The following APP variants were observed in gnomAD, a reference collection of about 807,000 sequenced individuals.
The protein encoded by APP is amyloid-beta precursor protein.
A neutral mutation model predicts 101.4 loss-of-function variants in APP; 31 were observed. The observed-to-expected ratio is 0.31, with a 90% CI of 0.23 to 0.41. The LOEUF (loss-of-function observed/expected upper bound fraction) is 0.41, where lower values mean the gene tolerates loss of function less well. APP is among the 10% of genes least tolerant of loss of function. The pLI, the probability that APP is intolerant of heterozygous loss-of-function variation, is 1.00. For synonymous variants in APP, 366 were observed against 364.4 expected (o/e 1.00, Z -0.05); for missense variants, 839 against 1,003.7 (o/e 0.84, Z 2.22).
chr21:25,912,826 A>G (rs1320229017), intron 13 of APP, among the ~76,000 whole-genome samples: 1 of 152,166 alleles, frequency 6.6e-6, no homozygotes, highest in African/African-American at 2.4e-5. Context: ...TTAGAATATA[A>G]TCTTGTATCA....
intron 11 of APP, among the ~76,000 whole-genome samples, chr21:25,966,233 CAGCATAGTTTA>C (rs1023170863): frequency 3.3e-5 from 5 of 152,188 alleles, no homozygotes; most frequent in African/African-American, 1.2e-4. Context: ...GTATACCATT[CAGCATAGTTTA>C]TAAGATTTTG....
chr21:26,069,869 AG>A (rs1360734887), intron 3 of APP, among the ~76,000 whole-genome samples: 1 of 152,244 alleles, frequency 6.6e-6, no homozygotes, highest in Non-Finnish European at 1.5e-5. Flanking sequence ...GAAAGAAAAA[AG>A]ATGTCACTGC....
At chr21:26,065,983 A>T (rs1341073216) in intron 3 of APP, among the ~76,000 whole-genome samples, 3 of 152,142 alleles carry the variant, frequency 2.0e-5, no homozygotes, top group African/African-American at 7.2e-5. Flanking sequence ...CTAGCTCCAC[A>T]GCCTAGATCT....
Position 25,925,614 on chromosome 21 carries a change from G to C in APP, c.1688-13652C>G, listed in dbSNP as rs1194944834. 5.3e-5 allele frequency among the ~76,000 whole-genome samples: 8 copies of C among 152,132 alleles called. No individual in the cohort carries two copies. The East Asian group carries it at 1.5e-3, about 29-fold the overall frequency. Reference sequence around the variant, plus strand: ...TGTACCAAGACACCACCACACAACAGCCTCGGTTATCCCTTCATGAAAGAA... The same window carrying C: ...TGTACCAAGACACCACCACACAACACCCTCGGTTATCCCTTCATGAAAGAA... On this transcript the variant is annotated intron_variant, in intron 13 of 17. Coordinates refer to ENST00000346798, the MANE Select transcript of APP (RefSeq NM_000484.4).
At chr21:26,013,843 C>T (rs544839809) in intron 6 of APP, among the ~76,000 whole-genome samples, 118 of 152,196 alleles carry the variant, frequency 7.8e-4, no homozygotes, top group Non-Finnish European at 1.4e-3. Flanking sequence ...TTAAACTACA[C>T]GGAAAGATGC....
chr21:25,903,368 C>CAAAA (rs937462787), intron 15 of APP, among the ~76,000 whole-genome samples: 4 of 68,582 alleles, frequency 5.8e-5, no homozygotes, highest in Admixed American at 5.0e-4. Context: ...GACTCCATCT[C>CAAAA]AAAAAAAAAA....
intron 3 of APP, among the ~76,000 whole-genome samples, chr21:26,087,740 A>G (rs144963148): frequency 6.6e-6 from 1 of 152,318 alleles, no homozygotes; most frequent in African/African-American, 2.4e-5. Flanking sequence ...GGTTAAAAAC[A>G]TAAGGTGAGG....
At chr21:26,143,120 A>C (rs1456594403) in intron 1 of APP, among the ~76,000 whole-genome samples, 1 of 152,234 alleles carries the variant, frequency 6.6e-6, no homozygotes, top group Non-Finnish European at 1.5e-5. Context: ...AAGGCAGAAA[A>C]AAATGCTTCA....
chr21:26,100,737 T>G (rs1290695091), intron 2 of APP, among the ~76,000 whole-genome samples: 1 of 136,634 alleles, frequency 7.3e-6, no homozygotes. Context: ...GCTGATCCTG[T>G]TAATCTATAG....
At chr21:25,918,744 G>C (rs6516711) in intron 13 of APP, among the ~76,000 whole-genome samples, 5 of 150,564 alleles carry the variant, frequency 3.3e-5, no homozygotes, top group African/African-American at 1.2e-4. Context: ...CCACGGAATC[G>C]CGCTGATTGC....
intron 13 of APP, among the ~76,000 whole-genome samples, chr21:25,949,201 T>C (rs2040959093): frequency 6.6e-6 from 1 of 152,202 alleles, no homozygotes; most frequent in Non-Finnish European, 1.5e-5. Flanking sequence ...GGGCCTTTTA[T>C]AACACAACAG....
intron 5 of APP, among the ~76,000 whole-genome samples, chr21:26,029,338 G>A (rs1319733011): frequency 8.1e-6 from 1 of 123,208 alleles, no homozygotes; most frequent in African/African-American, 3.5e-5. Context: ...ACACTGGAAA[G>A]CAAAGGTGGC....
intron 1 of APP, among the ~76,000 whole-genome samples, chr21:26,129,468 C>CAA (rs112803945): frequency 8.1e-6 from 1 of 122,910 alleles, no homozygotes. Context: ...GACTCCGTTT[C>CAA]AAAAAAAAAA....
rs564949561 is a variant in APP, at chr21:26,118,514, C to T, written c.58-6368G>A. On this transcript the variant is annotated intron_variant, in intron 1 of 17. Transcript: ENST00000346798. ...AATGAGCGAGATGTAAAAAGTTCATCTCTTTCATTCTGTCTTTACAGTTTT... is the reference window on the plus strand; with the variant it reads ...AATGAGCGAGATGTAAAAAGTTCATTTCTTTCATTCTGTCTTTACAGTTTT... Among the ~76,000 whole-genome samples, 7 of 152,196 alleles carry T rather than the reference C, an allele frequency of 4.6e-5. No individual in the cohort carries two copies. In the South Asian group the frequency reaches 1.5e-3, roughly 32 times the overall value.
chr21:26,007,445 ATATAT>A (rs2043585188), intron 6 of APP, among the ~76,000 whole-genome samples: 1 of 147,518 alleles, frequency 6.8e-6, no homozygotes, highest in African/African-American at 2.5e-5. Context: ...TTTATAAATT[ATATAT>A]TATATACTAT....
At chr21:25,931,783 G>A (rs966885422) in intron 13 of APP, among the ~76,000 whole-genome samples, 1 of 152,154 alleles carries the variant, frequency 6.6e-6, no homozygotes, top group Non-Finnish European at 1.5e-5. Context: ...GGGGAGAAAG[G>A]TTCTGTTTAC....
intron 11 of APP, among the ~76,000 whole-genome samples, chr21:25,967,181 C>T (rs1027912401): frequency 6.6e-6 from 1 of 151,972 alleles, no homozygotes; most frequent in African/African-American, 2.4e-5. Context: ...AGAAGGATGC[C>T]GATGCTATAG....
At chr21:25,890,924 A>C (rs1475657454) in intron 17 of APP, among the ~76,000 whole-genome samples, 1 of 152,182 alleles carries the variant, frequency 6.6e-6, no homozygotes, top group African/African-American at 2.4e-5. Flanking sequence ...AATGTCACAC[A>C]AATTTTTCAG....
rs181924654 is a variant in APP, at chr21:26,006,209, A to C, written c.866-6027T>G. 2.6e-5 allele frequency among the ~76,000 whole-genome samples: 4 copies of C among 152,366 alleles called. No homozygotes were observed. In the East Asian group the frequency reaches 7.7e-4, roughly 29 times the overall value. ...AGAGAAATGTTAGAAACATAGGCAA[A>C]GACTTACATGGCTATCTAAGGAACC... On this transcript the variant is annotated intron_variant, in intron 6 of 17. Transcript: ENST00000346798.
Sources: allele counts gnomAD v4.1 joint callset (sites outside exome capture counted in the v4.1 genomes callset), GRCh38; gene constraint gnomAD v4.1.1; transcripts MANE v1.5; gene names NCBI Gene and HGNC (gene_info 2026-07-23, HGNC 2026-07-21).